Variants in JAZF1 observed in about 807,000 individuals in gnomAD.
JAZF1 encodes the protein juxtaposed with another zinc finger protein 1.
In JAZF1, 8 loss-of-function variants were observed where a neutral mutation model predicts 26.4. The ratio of observed to expected loss-of-function variants is 0.30; its 90% CI spans 0.18 to 0.55. The LOEUF (loss-of-function observed/expected upper bound fraction) is 0.55. Ranked by LOEUF, JAZF1 falls within the 20% of genes least tolerant of loss-of-function variation. The pLI is 0.94. For missense variants in JAZF1, 199 were observed against 322.0 expected (o/e 0.62, Z 2.92); for synonymous variants, 126 against 122.3 (o/e 1.03, Z -0.20).
intron 1 of JAZF1, among the ~76,000 whole-genome samples, chr7:28,067,311 G>A (rs1055445482): frequency 5.3e-5 from 8 of 152,172 alleles, no homozygotes; most frequent in East Asian, 3.9e-4. Flanking sequence ...ACATCAACAG[G>A]GATGAGTTCT....
Position 27,881,012 on chromosome 7 carries a change from G to A in JAZF1, c.385+14208C>T, listed in dbSNP as rs763506583. On this transcript the variant is annotated intron_variant, in intron 3 of 4. Transcript: ENST00000283928. ...TTACTATTTACTTGGCAAGTACTGC[G>A]TATTAGTTACCAAAGGTTTATTTAT... 5.3e-4 allele frequency among the ~76,000 whole-genome samples: 81 copies of A among 152,166 alleles called. 2 individuals are homozygous for A. The highest frequency in any genetic ancestry group is 3.9e-4 in the African/African-American group (16 of 41,418).
intron 2 of JAZF1, among the ~76,000 whole-genome samples, chr7:27,974,981 T>G (rs1785444450): frequency 6.6e-6 from 1 of 150,948 alleles, no homozygotes; most frequent in African/African-American, 2.4e-5. Flanking sequence ...GCCTCCCAGG[T>G]TCAAGCCATT....
At chr7:28,007,234 G>A (rs909945073) in intron 1 of JAZF1, among the ~76,000 whole-genome samples, 7 of 152,304 alleles carry the variant, frequency 4.6e-5, no homozygotes, top group Admixed American at 2.0e-4. Flanking sequence ...TCGGGAGGCC[G>A]AGGTGGGCAG....
chr7:27,978,134 G>T (rs1247508762), intron 2 of JAZF1, among the ~76,000 whole-genome samples: 1 of 152,168 alleles, frequency 6.6e-6, no homozygotes, highest in Non-Finnish European at 1.5e-5. Context: ...ACATCAAAGT[G>T]TCCCTAGAGT....
At chr7:28,029,857 G>C (rs1783160158) in intron 1 of JAZF1, among the ~76,000 whole-genome samples, 1 of 152,288 alleles carries the variant, frequency 6.6e-6, no homozygotes, top group Admixed American at 6.5e-5. Flanking sequence ...CAAATCATAG[G>C]AATCAGTGGT....
At chr7:27,849,549 T>C (rs908163285) in intron 3 of JAZF1, among the ~76,000 whole-genome samples, 2 of 152,104 alleles carry the variant, frequency 1.3e-5, no homozygotes, top group African/African-American at 4.8e-5. Context: ...GGTGGGAACC[T>C]GGGGCAGGCA....
intron 3 of JAZF1, among the ~76,000 whole-genome samples, chr7:27,877,038 T>C (rs1216121539): frequency 6.6e-6 from 1 of 152,152 alleles, no homozygotes; most frequent in African/African-American, 2.4e-5. Context: ...AAAATTCCCA[T>C]ACAACTAATT....
At chr7:28,034,375 T>C (rs1030787823) in intron 1 of JAZF1, among the ~76,000 whole-genome samples, 4 of 150,962 alleles carry the variant, frequency 2.6e-5, no homozygotes, top group Non-Finnish European at 1.5e-5. Flanking sequence ...AGAAGAACAA[T>C]TGGAAGCACA....
intron 3 of JAZF1, among the ~76,000 whole-genome samples, chr7:27,845,644 C>A: frequency 6.7e-6 from 1 of 148,506 alleles, no homozygotes; most frequent in Non-Finnish European, 1.5e-5. Context: ...TTGCAGTGAG[C>A]CAAGATGGCG....
rs566371135 is a variant in JAZF1 at position 28,143,441 on chromosome 7, A to T, written c.115+37022T>A. Among the ~76,000 whole-genome samples the T allele has an allele frequency of 7.9e-5, 12 of 152,328 alleles. No homozygotes were observed. In the South Asian group the frequency reaches 1.5e-3, roughly 18 times the overall value. On this transcript the variant is annotated intron_variant, in intron 1 of 4. Coordinates refer to ENST00000283928, the MANE Select transcript of JAZF1 (RefSeq NM_175061.4). ...CCTTGAACATATACACCCTCCTTAGACAAAGCATCACACTGTATTATAGCT... is the reference window on the plus strand; with the variant it reads ...CCTTGAACATATACACCCTCCTTAGTCAAAGCATCACACTGTATTATAGCT...
intron 4 of JAZF1, among the ~76,000 whole-genome samples, chr7:27,838,778 T>G (rs1782867399): frequency 6.6e-6 from 1 of 152,126 alleles, no homozygotes; most frequent in Non-Finnish European, 1.5e-5. Context: ...ACAGGTGTGG[T>G]CACAAGCCTG....
chr7:27,892,967 A>G (rs1025413276), intron 3 of JAZF1, among the ~76,000 whole-genome samples: 3 of 152,238 alleles, frequency 2.0e-5, no homozygotes, highest in African/African-American at 7.2e-5. Context: ...TTGTAAAGAA[A>G]GAAGTTAAGG....
intron 2 of JAZF1, among the ~76,000 whole-genome samples, chr7:27,936,174 C>A (rs1272919900): frequency 6.6e-6 from 1 of 152,124 alleles, no homozygotes; most frequent in Admixed American, 6.5e-5. Context: ...TTCCCCTTTA[C>A]TTTAGGGAAT....
At chr7:27,908,489 T>A (rs1784301970) in intron 2 of JAZF1, among the ~76,000 whole-genome samples, 1 of 152,162 alleles carries the variant, frequency 6.6e-6, no homozygotes, top group South Asian at 2.1e-4. Context: ...AAGAGTTCAG[T>A]TAAACTACTT....
At chr7:28,042,399 G>A (rs1783408333) in intron 1 of JAZF1, among the ~76,000 whole-genome samples, 1 of 152,180 alleles carries the variant, frequency 6.6e-6, no homozygotes. Context: ...GGGGGAGTTG[G>A]GTTCCTGACA....
At chr7:27,862,883 A>G (rs1007421666) in intron 3 of JAZF1, among the ~76,000 whole-genome samples, 3 of 152,212 alleles carry the variant, frequency 2.0e-5, no homozygotes, top group African/African-American at 7.2e-5. Flanking sequence ...TAGCAAGAAC[A>G]AAAGTTCCAG....
Position 27,905,703 on chromosome 7 carries a change from T to C in JAZF1, c.189-10287A>G, listed in dbSNP as rs577243837. Among the ~76,000 whole-genome samples the C allele has an allele frequency of 3.3e-5, 5 of 152,182 alleles. No individual in the cohort carries two copies. In the South Asian group the frequency reaches 8.3e-4, roughly 25 times the overall value. On this transcript the variant is annotated intron_variant, in intron 2 of 4. Transcript: ENST00000283928. The stretch of plus-strand genomic sequence containing the variant: ...GGTTGCCAATTTTTATATTGCCATG[T>C]ATACCTTATCTAACTACCATCTATC...
At chr7:27,963,668 C>T (rs1171981591) in intron 2 of JAZF1, among the ~76,000 whole-genome samples, 1 of 148,502 alleles carries the variant, frequency 6.7e-6, no homozygotes, top group East Asian at 2.0e-4. Context: ...CTCAAGTGAT[C>T]CTCCTACCTC....
At chr7:28,042,884 T>C (rs1334266598) in intron 1 of JAZF1, among the ~76,000 whole-genome samples, 1 of 152,208 alleles carries the variant, frequency 6.6e-6, no homozygotes, top group African/African-American at 2.4e-5. Flanking sequence ...CTTATGATGT[T>C]CAGGTAATGA....
Sources: gnomAD v4.1 joint callset for allele counts (sites outside exome capture counted in the v4.1 genomes callset) on GRCh38, gnomAD v4.1.1 for gene constraint, MANE v1.5 for transcripts, NCBI Gene and HGNC (gene_info 2026-07-23, HGNC 2026-07-21) for gene names.